Variants in PAK5 observed in about 807,000 individuals in gnomAD.
The protein encoded by PAK5 is serine/threonine-protein kinase PAK 5.
Under a neutral mutation model 65.9 loss-of-function variants are expected in PAK5, and 16 were observed. The ratio of observed to expected loss-of-function variants is 0.24; its 90% CI spans 0.16 to 0.37. The LOEUF (loss-of-function observed/expected upper bound fraction) is 0.37. Ranked by LOEUF, PAK5 falls within the 10% of genes least tolerant of loss-of-function variation. The probability of loss-of-function intolerance (pLI) is 1.00; values close to 1 mark genes in which losing one functional copy is unlikely to be tolerated. For missense variants in PAK5, 785 were observed against 903.9 expected, an observed-to-expected ratio of 0.87 and a Z score of 1.69; for synonymous variants, 371 against 354.9, an observed-to-expected ratio of 1.05 and a Z score of -0.51.
At chr20:9,560,627 A>G (rs1215544449) in intron 6 of PAK5, among the ~76,000 whole-genome samples, 1 of 152,100 alleles carries the variant, frequency 6.6e-6, no homozygotes, top group Admixed American at 6.6e-5. Context: ...CTCCCAAAGT[A>G]TTGAGATTAC....
chr20:9,622,640 C>T (rs6133734), intron 3 of PAK5, among the ~76,000 whole-genome samples: 5 of 152,118 alleles, frequency 3.3e-5, no homozygotes, highest in Non-Finnish European at 7.4e-5. Context: ...CTGAGCTCTG[C>T]CTCTTGTCAG....
chr20:9,763,229 T>C (rs762240130), intron 1 of PAK5, among the ~76,000 whole-genome samples: 4 of 152,092 alleles, frequency 2.6e-5, no homozygotes, highest in Non-Finnish European at 4.4e-5. Context: ...TACTATATTG[T>C]ACCAAGACGG....
chr20:9,561,194 T>G (rs1396611375), intron 6 of PAK5, among the ~76,000 whole-genome samples: 1 of 152,078 alleles, frequency 6.6e-6, no homozygotes. Flanking sequence ...CAATCCTGGA[T>G]GAGAAAATTA....
chr20:9,555,626 T>G (rs991348091), intron 7 of PAK5, among the ~76,000 whole-genome samples: 2 of 152,200 alleles, frequency 1.3e-5, no homozygotes, highest in Non-Finnish European at 2.9e-5. Flanking sequence ...TCCACTCATA[T>G]GGAAGATTAA....
At chr20:9,798,288 A>G (rs999763119) in intron 1 of PAK5, among the ~76,000 whole-genome samples, 4 of 152,114 alleles carry the variant, frequency 2.6e-5, no homozygotes, top group Non-Finnish European at 5.9e-5. Context: ...TACGTGTGTA[A>G]TGTAAAGATG....
At chr20:9,685,804 G>T (rs911617865) in intron 2 of PAK5, among the ~76,000 whole-genome samples, 15 of 152,252 alleles carry the variant, frequency 9.9e-5, no homozygotes, top group Non-Finnish European at 2.1e-4. Context: ...ATATCAGCTG[G>T]TACTACTTCT....
At chr20:9,733,884 C>T (rs6077595) in intron 1 of PAK5, among the ~76,000 whole-genome samples, 74,912 of 152,044 alleles carry the variant, frequency 0.49, 18,546 homozygotes, top group South Asian at 0.63. Flanking sequence ...CATACCACTA[C>T]GGTACAAAAG....
intron 1 of PAK5, among the ~76,000 whole-genome samples, chr20:9,826,633 C>T (rs1184552251): frequency 6.6e-6 from 1 of 152,174 alleles, no homozygotes; most frequent in Non-Finnish European, 1.5e-5. Flanking sequence ...CTGAAAAGCC[C>T]TTGGGACTCA....
At chr20:9,724,521 A>G (rs2123531139) in intron 1 of PAK5, among the ~76,000 whole-genome samples, 1 of 152,324 alleles carries the variant, frequency 6.6e-6, no homozygotes, top group African/African-American at 2.4e-5. Context: ...ATCTTTACAA[A>G]ATGTATCAAA....
chr20:9,609,539 G>A (rs2046518754), intron 3 of PAK5, among the ~76,000 whole-genome samples: 1 of 152,140 alleles, frequency 6.6e-6, no homozygotes, highest in Admixed American at 6.6e-5. Flanking sequence ...TTTATGGTGG[G>A]GGTCACATGG....
chr20:9,579,429 C>A (rs1244704797), intron 4 of PAK5, among the ~76,000 whole-genome samples: 1 of 152,164 alleles, frequency 6.6e-6, no homozygotes, highest in East Asian at 1.9e-4. Context: ...ACTTCTCCGG[C>A]AGTGATTCCC....
Position 9,716,653 on chromosome 20 carries a change from T to C in PAK5, c.-161-5218A>G, listed in dbSNP as rs183684720. 8.8e-4 allele frequency among the ~76,000 whole-genome samples: 134 copies of C among 152,330 alleles called. 1 individual carries two copies. The highest frequency in any genetic ancestry group is 2.9e-3 in the African/African-American group (119 of 41,568). ...AAATTAATCAAGTAAATATTAGATA[T>C]CATAAAATTACTTTAAGACATTCTC... On this transcript the variant is annotated intron_variant, in intron 1 of 9. Transcript: ENST00000353224.
At chr20:9,798,069 T>C (rs2049125906) in intron 1 of PAK5, among the ~76,000 whole-genome samples, 1 of 152,112 alleles carries the variant, frequency 6.6e-6, no homozygotes, top group African/African-American at 2.4e-5. Context: ...CTAAGAACTC[T>C]GTTAGACTGA....
At chr20:9,793,800 C>A (rs375752818) in intron 1 of PAK5, among the ~76,000 whole-genome samples, 1 of 152,002 alleles carries the variant, frequency 6.6e-6, no homozygotes, top group East Asian at 1.9e-4. Flanking sequence ...CCGGAAATAC[C>A]ATTTGACCCA....
intron 1 of PAK5, among the ~76,000 whole-genome samples, chr20:9,814,979 G>A (rs2049339689): frequency 6.6e-6 from 1 of 152,122 alleles, no homozygotes; most frequent in South Asian, 2.1e-4. Flanking sequence ...TTCTGTTGAG[G>A]GCTTCAGGCA....
intron 4 of PAK5, among the ~76,000 whole-genome samples, chr20:9,573,367 T>C (rs1416607411): frequency 6.6e-6 from 1 of 152,212 alleles, no homozygotes; most frequent in South Asian, 2.1e-4. Context: ...ATCAAAATTA[T>C]AAATAATTAT....
At chr20:9,719,053 G>C (rs909834280) in intron 1 of PAK5, among the ~76,000 whole-genome samples, 1 of 152,068 alleles carries the variant, frequency 6.6e-6, no homozygotes, top group Non-Finnish European at 1.5e-5. Context: ...TTTATAGCCA[G>C]AGCTCAGCAT....
intron 1 of PAK5, among the ~76,000 whole-genome samples, chr20:9,798,328 T>C (rs2049129447): frequency 6.6e-6 from 1 of 152,058 alleles, no homozygotes; most frequent in African/African-American, 2.4e-5. Flanking sequence ...TGTGTATTAA[T>C]GGGAATAATT....
At chr20:9,807,762 A>AAATAAATAAT (rs1555929891) in intron 1 of PAK5, among the ~76,000 whole-genome samples, 8 of 142,334 alleles carry the variant, frequency 5.6e-5, no homozygotes, top group African/African-American at 1.8e-4. Flanking sequence ...AGCAAAAAAT[A>AAATAAATAAT]AATAATAATA....
Sources: allele counts gnomAD v4.1 joint callset (sites outside exome capture counted in the v4.1 genomes callset), GRCh38; gene constraint gnomAD v4.1.1; transcripts MANE v1.5; gene names NCBI Gene and HGNC (gene_info 2026-07-23, HGNC 2026-07-21).